Variants in SLC7A14 observed in about 807,000 individuals in gnomAD.
SLC7A14 encodes the protein gamma-aminobutyric acid transporter SLC7A14.
SLC7A14 carries 37 observed loss-of-function variants against 60.2 expected under a neutral mutation model. That is an observed-to-expected ratio of 0.61 (90% CI 0.47 to 0.81). SLC7A14 has a LOEUF of 0.81. SLC7A14 is among the 30% of genes least tolerant of loss of function. The pLI is 0.00. For synonymous variants in SLC7A14, 399 were observed against 395.8 expected (o/e 1.01, Z -0.10); for missense variants, 886 against 982.7 (o/e 0.90, Z 1.32).
At chr3:170,500,438 CAAAAAAAAAAAAAA>C (rs66971540) in intron 3 of SLC7A14, among the ~76,000 whole-genome samples, 3 of 55,630 alleles carry the variant, frequency 5.4e-5, no homozygotes, top group African/African-American at 6.3e-5. Flanking sequence ...GACTCTGTCT[CAAAAAAAAAAAAAA>C]AAAAAAAAAA....
chr3:170,508,505 A>G (rs957767172), intron 2 of SLC7A14, among the ~76,000 whole-genome samples: 2 of 152,196 alleles, frequency 1.3e-5, no homozygotes, highest in African/African-American at 4.8e-5. Context: ...TAGCAAATGG[A>G]TGAGGTCAGT....
intron 1 of SLC7A14, among the ~76,000 whole-genome samples, chr3:170,554,790 A>G (rs1163676080): frequency 6.6e-6 from 1 of 152,138 alleles, no homozygotes; most frequent in Non-Finnish European, 1.5e-5. Context: ...GCCCTCATCT[A>G]TTTTTCCTTA....
At chr3:170,470,178 T>G (rs1187348510) in intron 7 of SLC7A14, among the ~76,000 whole-genome samples, 4 of 152,060 alleles carry the variant, frequency 2.6e-5, no homozygotes, top group Non-Finnish European at 5.9e-5. Flanking sequence ...GAGAGAAGTC[T>G]CTTGCGTGTC....
intron 1 of SLC7A14, among the ~76,000 whole-genome samples, chr3:170,536,141 G>T (rs1054643785): frequency 6.6e-6 from 1 of 152,190 alleles, no homozygotes; most frequent in Non-Finnish European, 1.5e-5. Context: ...AAATACAGGA[G>T]AAATAATAGT....
chr3:170,499,863 T>C (rs1712547582), intron 3 of SLC7A14, among the ~76,000 whole-genome samples: 1 of 152,216 alleles, frequency 6.6e-6, no homozygotes. Context: ...CTCATCTTTC[T>C]GGACCTCATT....
chr3:170,465,549 G>A lies in SLC7A14; in HGVS notation c.*1506C>T, dbSNP rs1320784143. On this transcript the variant is annotated 3_prime_UTR_variant, in exon 8 of 8. Transcript: ENST00000231706. ...AGAAAGAACAGACTTGAGTGCTAGC[G>A]AATATGTTCTGGAAAACGTTTGGCA... The A allele has an allele frequency of 2.6e-5, 4 of 152,230 alleles. No homozygotes were observed. Among genetic ancestry groups the A allele is most frequent in the Non-Finnish European group, 5.9e-5 (4 of 68,040 alleles). The allele number at this position is 152,230 out of a possible 1,614,324, so 9.4% of individuals were successfully genotyped here. A position where few individuals can be genotyped will look rare whatever the true frequency, so the allele number is the denominator to read the frequency against.
chr3:170,480,451 G>A lies in SLC7A14; in HGVS notation c.1831C>T (p.Leu611=). 1 of 1,613,882 alleles carries A rather than the reference G, an allele frequency of 6.2e-7. No individual in the cohort carries two copies. Among genetic ancestry groups the A allele is most frequent in the Non-Finnish European group, 8.5e-7 (1 of 1,179,794 alleles). ...VVLMVLLIST[L]VFVILQQPEN... ...GGCTGCTGCAGGATCACAAACACCA[G>A]GGTGCTGATCAGCAGCACCATCAGA... The change falls in exon 7 of 8, where the codon CTG becomes TTG. Residue 611 remains leucine, a synonymous_variant. Coordinates refer to ENST00000231706, the MANE Select transcript of SLC7A14 (RefSeq NM_020949.3).
intron 2 of SLC7A14, among the ~76,000 whole-genome samples, chr3:170,524,618 T>C (rs1359536791): frequency 6.6e-6 from 1 of 152,230 alleles, no homozygotes; most frequent in Non-Finnish European, 1.5e-5. Flanking sequence ...TGTCCTACTA[T>C]CCACATTTTG....
At chr3:170,524,105 C>T (rs978511249) in intron 2 of SLC7A14, among the ~76,000 whole-genome samples, 2 of 152,030 alleles carry the variant, frequency 1.3e-5, no homozygotes, top group African/African-American at 4.8e-5. Flanking sequence ...GTGGTGAAGG[C>T]CTCAATTACT....
intron 2 of SLC7A14, among the ~76,000 whole-genome samples, chr3:170,514,892 A>C (rs1326467937): frequency 6.6e-6 from 1 of 152,164 alleles, no homozygotes; most frequent in South Asian, 2.1e-4. Flanking sequence ...ACATACAAAA[A>C]CTTAATCTTC....
chr3:170,585,959 G>A lies in SLC7A14; in HGVS notation c.-201C>T. Reference sequence around the variant, plus strand: ...AGCTGGCTGCCAAGGCTGGTGGCTGGCAGTCCGCACTTACTGCGCGGAGCT... The same window carrying A: ...AGCTGGCTGCCAAGGCTGGTGGCTGACAGTCCGCACTTACTGCGCGGAGCT... On this transcript the variant is annotated 5_prime_UTR_variant, in exon 1 of 8. Coordinates refer to ENST00000231706, the MANE Select transcript of SLC7A14 (RefSeq NM_020949.3). The surrounding 1 kb of genome is among the most constrained non-coding windows in gnomAD (Gnocchi z 5.1). 6.5e-6 allele frequency: 1 copy of A among 153,118 alleles called. No individual in the cohort carries two copies. The highest frequency in any genetic ancestry group is 1.5e-5 in the Non-Finnish European group (1 of 68,682). The allele number at this position is 153,118 out of a possible 1,614,324, so 9.5% of individuals were successfully genotyped here.
intron 7 of SLC7A14, among the ~76,000 whole-genome samples, chr3:170,469,983 A>T (rs1577490620): frequency 6.6e-6 from 1 of 152,128 alleles, no homozygotes; most frequent in East Asian, 1.9e-4. Context: ...TGGGTGTCAG[A>T]TAGATTCATA....
intron 1 of SLC7A14, among the ~76,000 whole-genome samples, chr3:170,582,774 T>A (rs1458526904): frequency 6.6e-6 from 1 of 152,188 alleles, no homozygotes; most frequent in Admixed American, 6.5e-5. Flanking sequence ...GAACTGAATT[T>A]GAATTTCTAA....
intron 7 of SLC7A14, among the ~76,000 whole-genome samples, chr3:170,472,820 AGGC>A (rs1739957556): frequency 6.6e-6 from 1 of 151,792 alleles, no homozygotes; most frequent in Non-Finnish European, 1.5e-5. Flanking sequence ...ATTCAAAGGG[AGGC>A]TTTGGCTTCT....
intron 1 of SLC7A14, among the ~76,000 whole-genome samples, chr3:170,550,899 A>G (rs896129372): frequency 2.6e-5 from 4 of 152,192 alleles, no homozygotes; most frequent in Admixed American, 6.5e-5. Flanking sequence ...AGTGTAATCC[A>G]CATACTATAA....
intron 4 of SLC7A14, 90 bp downstream of exon 4, chr3:170,498,577 C>T: frequency 2.6e-6 from 3 of 1,173,626 alleles, no homozygotes; most frequent in Non-Finnish European, 3.7e-6. Context: ...TGGAACAGAA[C>T]AGCATTTTCT....
chr3:170,505,613 C>A (rs987082736), intron 2 of SLC7A14, among the ~76,000 whole-genome samples: 5 of 152,120 alleles, frequency 3.3e-5, no homozygotes, highest in Admixed American at 6.6e-5. Context: ...TGGCCGGGCG[C>A]GGTGGCTCAT....
At chr3:170,584,302 G>A (rs1196326024) in intron 1 of SLC7A14, among the ~76,000 whole-genome samples, 1 of 152,160 alleles carries the variant, frequency 6.6e-6, no homozygotes, top group African/African-American at 2.4e-5. Context: ...TCTAAGAAGA[G>A]GAAAAAGCTA....
At chr3:170,570,124 G>A (rs986183266) in intron 1 of SLC7A14, 1 of 152,046 alleles carries the variant, frequency 6.6e-6, no homozygotes, top group Non-Finnish European at 1.5e-5. Flanking sequence ...GGAAAGGCTT[G>A]ATGTTCCTTG....
Sources: gnomAD v4.1 joint callset for allele counts (sites outside exome capture counted in the v4.1 genomes callset) on GRCh38, gnomAD v4.1.1 for gene constraint, Gnocchi (gnomAD v3.1) non-coding constraint, MANE v1.5 for transcripts, NCBI Gene and HGNC (gene_info 2026-07-23, HGNC 2026-07-21) for gene names.